The following OSBPL2 variants were observed in gnomAD, a reference collection of about 807,000 sequenced individuals.
The protein encoded by OSBPL2 is oxysterol binding protein like 2, also known as oxysterol-binding protein-related protein 2.
In OSBPL2, 18 loss-of-function variants were observed where a neutral mutation model predicts 58.4. The ratio of observed to expected loss-of-function variants is 0.31; its 90% CI spans 0.21 to 0.46. OSBPL2 has a LOEUF of 0.46. Ranked by LOEUF, OSBPL2 falls within the 20% of genes least tolerant of loss-of-function variation. The probability of loss-of-function intolerance (pLI) is 1.00; values close to 1 mark genes in which losing one functional copy is unlikely to be tolerated. For synonymous variants in OSBPL2, 221 were observed against 234.1 expected (o/e 0.94, Z 0.51); for missense variants, 461 against 616.5 (o/e 0.75, Z 2.67).
chr20:62,256,295 G>A (rs1210946104), intron 2 of OSBPL2, 74 bp downstream of exon 2: 5 of 1,384,438 alleles, frequency 3.6e-6, no homozygotes, highest in East Asian at 2.3e-5. Context: ...TGGACCTGGC[G>A]TTTGGGGTGT....
At chr20:62,240,430 T>C (rs887409981) in intron 1 of OSBPL2, among the ~76,000 whole-genome samples, 1 of 152,234 alleles carries the variant, frequency 6.6e-6, no homozygotes, top group South Asian at 2.1e-4. Context: ...CCAGGACTGT[T>C]ACGAGCATGT....
chr20:62,277,752 G>A (rs1461658986), intron 6 of OSBPL2, among the ~76,000 whole-genome samples: 1 of 152,152 alleles, frequency 6.6e-6, no homozygotes, highest in Non-Finnish European at 1.5e-5. Flanking sequence ...AGTTAAGTTG[G>A]TAATTATGTG....
chr20:62,273,895 T>G (rs774435474), intron 6 of OSBPL2, among the ~76,000 whole-genome samples: 1 of 152,186 alleles, frequency 6.6e-6, no homozygotes, highest in Non-Finnish European at 1.5e-5. Context: ...CCCCAGAGTT[T>G]TAGGAAGGGT....
chr20:62,289,860 A>G (rs1022699062), intron 12 of OSBPL2, among the ~76,000 whole-genome samples: 1 of 152,170 alleles, frequency 6.6e-6, no homozygotes, highest in Non-Finnish European at 1.5e-5. Context: ...AGCCGAGATT[A>G]TACCACTGCA....
At chr20:62,278,071 C>G (rs957499142) in intron 6 of OSBPL2, among the ~76,000 whole-genome samples, 1 of 152,222 alleles carries the variant, frequency 6.6e-6, no homozygotes, top group African/African-American at 2.4e-5. Context: ...CTGGGTACCT[C>G]TAGCCAGACA....
intron 1 of OSBPL2, among the ~76,000 whole-genome samples, chr20:62,247,506 T>G (rs1980204232): frequency 6.6e-6 from 1 of 152,154 alleles, no homozygotes; most frequent in Non-Finnish European, 1.5e-5. Flanking sequence ...CGCAGTGTGA[T>G]CCCTACGGGA....
At chr20:62,258,955 A>G (rs1016072668) in intron 2 of OSBPL2, 1 of 152,234 alleles carries the variant, frequency 6.6e-6, no homozygotes, top group Non-Finnish European at 1.5e-5. Context: ...CCACCCCAGC[A>G]CTGCCTTTAT....
Position 62,288,984 on chromosome 20 carries a change from G to A in OSBPL2, c.1126-223G>A, listed in dbSNP as rs1983316904. On this transcript the variant is annotated intron_variant, in intron 11 of 13. Coordinates refer to ENST00000313733, the MANE Select transcript of OSBPL2 (RefSeq NM_144498.4). The surrounding 1 kb of genome is among the most constrained non-coding windows in gnomAD (Gnocchi z 4.8). The stretch of plus-strand genomic sequence containing the variant: ...AAAGAAATGTGTGTGAGTTTTGCTG[G>A]TATACCTCAAAATGCAAACGTTACA... 6.6e-6 allele frequency among the ~76,000 whole-genome samples: 1 copy of A among 152,166 alleles called. No individual in the cohort carries two copies. Among genetic ancestry groups the A allele is most frequent in the South Asian group, 2.1e-4 (1 of 4,828 alleles).
chr20:62,239,750 G>GC (rs1941615791), intron 1 of OSBPL2, among the ~76,000 whole-genome samples: 1 of 152,244 alleles, frequency 6.6e-6, no homozygotes, highest in African/African-American at 2.4e-5. Flanking sequence ...CGTCCCTGCT[G>GC]CCCTTCCTAA....
At chr20:62,243,756 C>T (rs1402498691) in intron 1 of OSBPL2, among the ~76,000 whole-genome samples, 2 of 151,836 alleles carry the variant, frequency 1.3e-5, no homozygotes, top group African/African-American at 4.8e-5. Flanking sequence ...GATCAAGGAC[C>T]CCTTTGAGAA....
chr20:62,279,522 G>A, intron 7 of OSBPL2, 183 bp downstream of exon 7: 1 of 611,246 alleles, frequency 1.6e-6, no homozygotes, highest in Non-Finnish European at 2.8e-6. Flanking sequence ...TTGCTGGGGT[G>A]CGTCCTCACG....
chr20:62,286,061 A>G (rs1239149477), intron 10 of OSBPL2: 2 of 159,384 alleles, frequency 1.3e-5, no homozygotes, highest in Admixed American at 6.1e-5. Flanking sequence ...AGGGAGTGTG[A>G]GCTGCTTTAG....
chr20:62,295,490 G>A lies in OSBPL2; in HGVS notation c.*1603G>A, dbSNP rs898159636. On this transcript the variant is annotated 3_prime_UTR_variant, in exon 14 of 14. Coordinates refer to ENST00000313733, the MANE Select transcript of OSBPL2 (RefSeq NM_144498.4). This position sits in a 1 kb window ranked among gnomAD's most constrained non-coding sequence, Gnocchi z 4.8. ...CTGGAAGTGAACACTCGTTTTGAAA[G>A]CTTGATTTTGTAGCTTTGGAAGCTG... is the stretch of plus-strand genomic sequence containing the variant. The A allele has an allele frequency of 9.9e-5, 15 of 152,206 alleles. No homozygotes were observed. The highest frequency in any genetic ancestry group is 3.6e-4 in the African/African-American group (15 of 41,442). 9.4% of individuals were successfully genotyped at this position (152,206 alleles called of 1,614,324 possible).
chr20:62,255,470 CTTTTAATTTTA>C (rs113857164), intron 1 of OSBPL2, among the ~76,000 whole-genome samples: 2,972 of 151,884 alleles, frequency 0.02, 92 homozygotes, highest in African/African-American at 0.067. Flanking sequence ...GTAGATAATG[CTTTTAATTTTA>C]TTTTAATTTT....
chr20:62,242,391 C>T (rs1979791232), intron 1 of OSBPL2: 1 of 152,266 alleles, frequency 6.6e-6, no homozygotes, highest in African/African-American at 2.4e-5. Flanking sequence ...GGAGCTTCTG[C>T]TGATGCAAAT....
In OSBPL2 at chr20:62,281,835, T is replaced by C; in HGVS notation, c.828T>C (p.Phe276=). ...CVLHFKPCGL[F]GKELHKVEGH... is the part of the protein sequence containing the mutation. ...TTCACTTTAAACCGTGTGGATTATTTGGAAAAGAACTTCACAAGGTGGAAG... is the reference window on the plus strand; with the variant it reads ...TTCACTTTAAACCGTGTGGATTATTCGGAAAAGAACTTCACAAGGTGGAAG... Residue 276 remains phenylalanine, a synonymous_variant, in exon 9 of 14, where the codon TTT becomes TTC. Coordinates refer to ENST00000313733, the MANE Select transcript of OSBPL2 (RefSeq NM_144498.4). 2 of 1,612,728 alleles carry C rather than the reference T, an allele frequency of 1.2e-6. No individual in the cohort carries two copies. Among genetic ancestry groups the C allele is most frequent in the Non-Finnish European group, 1.7e-6 (2 of 1,178,778 alleles).
chr20:62,267,030 G>A lies in OSBPL2; in HGVS notation c.258+3339G>A, dbSNP rs909364645. On this transcript the variant is annotated intron_variant, in intron 4 of 13. Transcript: ENST00000313733. ...TGTCAGAGGCTGAGGCGAGAGGATC[G>A]CTCGAGGCTACGGGTTCAGAACCAG... Among the ~76,000 whole-genome samples the A allele has an allele frequency of 1.1e-4, 16 of 152,292 alleles. No individual in the cohort carries two copies. The East Asian group carries it at 1.9e-3, about 18-fold the overall frequency.
chr20:62,281,946 G>A (rs984322937), intron 9 of OSBPL2, 67 bp downstream of exon 9: 3 of 1,049,456 alleles, frequency 2.9e-6, no homozygotes, highest in Non-Finnish European at 4.5e-6. Flanking sequence ...AAGGGCTCAG[G>A]TGCTCCTGGG....
chr20:62,239,027 C>G, intron 1 of OSBPL2: 1 of 151,988 alleles, frequency 6.6e-6, no homozygotes, highest in East Asian at 1.9e-4. Flanking sequence ...TCACCGGGAA[C>G]AGGGAAGGAT....
Sources: allele counts gnomAD v4.1 joint callset (sites outside exome capture counted in the v4.1 genomes callset), GRCh38; gene constraint gnomAD v4.1.1; non-coding constraint Gnocchi (gnomAD v3.1); transcripts MANE v1.5; gene names NCBI Gene and HGNC (gene_info 2026-07-23, HGNC 2026-07-21).